ST3GAL3: variants seen among roughly 807,000 people sequenced by gnomAD.
The protein encoded by ST3GAL3 is ST3 beta-galactoside alpha-2,3-sialyltransferase 3, also known as CMP-N-acetylneuraminate-beta-1,4-galactoside alpha-2,3-sialyltransferase.
Under a neutral mutation model 50.1 loss-of-function variants are expected in ST3GAL3, and 21 were observed. The ratio of observed to expected loss-of-function variants is 0.42; its 90% CI spans 0.30 to 0.60. The LOEUF (loss-of-function observed/expected upper bound fraction) is 0.60. ST3GAL3 is among the 20% of genes least tolerant of loss of function. The pLI is 0.19. For synonymous variants in ST3GAL3, 183 were observed against 190.0 expected, an observed-to-expected ratio of 0.96 and a Z score of 0.30; for missense variants, 353 against 489.4, an observed-to-expected ratio of 0.72 and a Z score of 2.63.
chr1:43,718,292 C>A (rs1179799531), intron 1 of ST3GAL3, among the ~76,000 whole-genome samples: 3 of 148,928 alleles, frequency 2.0e-5, no homozygotes, highest in African/African-American at 7.4e-5. Flanking sequence ...CTGGTTCACG[C>A]CATTCTCCTG....
At chr1:43,853,166 G>A (rs561425419) in intron 5 of ST3GAL3, among the ~76,000 whole-genome samples, 1 of 152,252 alleles carries the variant, frequency 6.6e-6, no homozygotes, top group East Asian at 1.9e-4. Flanking sequence ...GGCCAGTAGG[G>A]CCACTCGGTA....
intron 1 of ST3GAL3, among the ~76,000 whole-genome samples, chr1:43,728,031 C>CATCTAGTAGTCTCCAGTGTCTTCA (rs1673804722): frequency 6.6e-6 from 1 of 151,970 alleles, no homozygotes; most frequent in Non-Finnish European, 1.5e-5. Flanking sequence ...ACCCCTCATC[C>CATCTAGTAGTCTCCAGTGTCTTCA]CCATCTAGTA....
At chr1:43,822,388 G>A (rs1441970497) in intron 4 of ST3GAL3, among the ~76,000 whole-genome samples, 26 of 152,240 alleles carry the variant, frequency 1.7e-4, no homozygotes. Context: ...GCTCCTGTCT[G>A]CTGCCACAGT....
chr1:43,773,327 G>C (rs1470096670), intron 2 of ST3GAL3, among the ~76,000 whole-genome samples: 1 of 152,094 alleles, frequency 6.6e-6, no homozygotes, highest in African/African-American at 2.4e-5. Flanking sequence ...GCCTTCCTTG[G>C]CATCTCAGTG....
chr1:43,830,025 T>G (rs1479615079), intron 4 of ST3GAL3, among the ~76,000 whole-genome samples: 3 of 105,450 alleles, frequency 2.8e-5, no homozygotes, highest in Non-Finnish European at 5.3e-5. Flanking sequence ...TTTTTTTTTT[T>G]GAGACAGGGT....
intron 2 of ST3GAL3, among the ~76,000 whole-genome samples, chr1:43,788,460 T>C (rs536303708): frequency 2.5e-4 from 38 of 152,306 alleles, no homozygotes; most frequent in African/African-American, 9.1e-4. Context: ...ATGCTTTTCT[T>C]ATTCCTCCTC....
chr1:43,838,032 G>A (rs544282398), intron 4 of ST3GAL3, among the ~76,000 whole-genome samples, 187 bp from the exon 5 acceptor site: 15 of 131,304 alleles, frequency 1.1e-4, no homozygotes, highest in Admixed American at 1.1e-3. Context: ...GGAGAATGGC[G>A]TGAACCCGGG....
chr1:43,895,235 C>T (rs1454063044), intron 6 of ST3GAL3, among the ~76,000 whole-genome samples: 1 of 152,176 alleles, frequency 6.6e-6, no homozygotes, highest in Non-Finnish European at 1.5e-5. Context: ...ACCTCATCTC[C>T]CTTCCAACCC....
intron 3 of ST3GAL3, among the ~76,000 whole-genome samples, chr1:43,812,451 C>T (rs929698002): frequency 5.3e-5 from 8 of 152,180 alleles, no homozygotes; most frequent in African/African-American, 1.9e-4. Flanking sequence ...TTCTGGTACT[C>T]ATGTCTCTTT....
chr1:43,795,705 G>T (rs112421787), intron 3 of ST3GAL3, among the ~76,000 whole-genome samples: 46 of 152,216 alleles, frequency 3.0e-4, no homozygotes, highest in African/African-American at 1.1e-3. Flanking sequence ...TAAGAAAAAG[G>T]TTCCAGTTCC....
intron 2 of ST3GAL3, among the ~76,000 whole-genome samples, chr1:43,742,533 G>A (rs1469719229): frequency 2.0e-5 from 3 of 152,158 alleles, no homozygotes; most frequent in South Asian, 2.1e-4. Context: ...GTTTTTATGT[G>A]TAATATCCAC....
At chr1:43,751,171 T>C (rs1280334277) in intron 2 of ST3GAL3, among the ~76,000 whole-genome samples, 1 of 152,160 alleles carries the variant, frequency 6.6e-6, no homozygotes, top group Non-Finnish European at 1.5e-5. Context: ...ATACAAAGTA[T>C]AAAAGAATGA....
intron 1 of ST3GAL3, among the ~76,000 whole-genome samples, chr1:43,709,704 A>G (rs1283861249): frequency 6.6e-6 from 1 of 152,012 alleles, no homozygotes; most frequent in African/African-American, 2.4e-5. Context: ...AAAATTAGCC[A>G]GGCGTGGTGG....
chr1:43,850,762 G>A, intron 5 of ST3GAL3: 1 of 803,480 alleles, frequency 1.2e-6, no homozygotes. Context: ...GCCACCACAT[G>A]GTGCTGATAA....
intron 2 of ST3GAL3, among the ~76,000 whole-genome samples, chr1:43,740,148 G>A (rs186123643): frequency 6.0e-4 from 91 of 152,126 alleles, no homozygotes; most frequent in African/African-American, 2.0e-3. Flanking sequence ...CGGATCATGA[G>A]GTCAGGAGAT....
chr1:43,862,899 G>A (rs1023943137), intron 5 of ST3GAL3, among the ~76,000 whole-genome samples: 3 of 152,088 alleles, frequency 2.0e-5, no homozygotes, highest in Admixed American at 6.6e-5. Flanking sequence ...CTGGGTGACC[G>A]TGTGAGACCC....
At chr1:43,754,763 A>G (rs1687424895) in intron 2 of ST3GAL3, among the ~76,000 whole-genome samples, 1 of 152,176 alleles carries the variant, frequency 6.6e-6, no homozygotes, top group South Asian at 2.1e-4. Flanking sequence ...CAGCCTGAGC[A>G]GCATAGTGAG....
chr1:43,835,461 C>A (rs931835003), intron 4 of ST3GAL3, among the ~76,000 whole-genome samples: 10 of 152,104 alleles, frequency 6.6e-5, no homozygotes, highest in African/African-American at 2.4e-4. Flanking sequence ...GAGTTACTGT[C>A]GCTTTCTAAA....
chr1:43,843,414 T>C (rs1306322527), intron 5 of ST3GAL3, among the ~76,000 whole-genome samples: 2 of 152,224 alleles, frequency 1.3e-5, no homozygotes, highest in African/African-American at 4.8e-5. Flanking sequence ...TTTTTGAATG[T>C]TGAACCAATC....
Sources: allele counts gnomAD v4.1 joint callset (sites outside exome capture counted in the v4.1 genomes callset), GRCh38; gene constraint gnomAD v4.1.1; transcripts MANE v1.5; gene names NCBI Gene and HGNC (gene_info 2026-07-23, HGNC 2026-07-21).